DLGAP1: variants seen among roughly 807,000 people sequenced by gnomAD.
DLGAP1 encodes disks large-associated protein 1.
In DLGAP1, 11 loss-of-function variants were observed where a neutral mutation model predicts 90.8. The observed-to-expected ratio is 0.12, with a 90% CI of 0.08 to 0.20. DLGAP1 has a LOEUF of 0.20. DLGAP1 is among the 10% of genes least tolerant of loss of function. The probability of loss-of-function intolerance (pLI) is 1.00; values close to 1 mark genes in which losing one functional copy is unlikely to be tolerated. For synonymous variants in DLGAP1, 558 were observed against 540.7 expected, an observed-to-expected ratio of 1.03 and a Z score of -0.44; for missense variants, 1,050 against 1,333.8, an observed-to-expected ratio of 0.79 and a Z score of 3.31.
Position 3,517,812 on chromosome 18 carries a change from T to C in DLGAP1, c.2480-9151A>G, listed in dbSNP as rs1287109754. Among the ~76,000 whole-genome samples, 7 of 110,664 alleles carry C rather than the reference T, an allele frequency of 6.3e-5. No homozygotes were observed. The highest frequency in any genetic ancestry group is 5.6e-4 in the East Asian group (2 of 3,578). 72.6% of individuals were successfully genotyped at this position (110,664 alleles called of 152,430 possible). ...AGCCTGGGCAACAAGAGAGAAACTC[T>C]GTCTCGGAAAAAAAAAAAAAAGAAG... On this transcript the variant is annotated intron_variant, in intron 10 of 12. Coordinates refer to ENST00000315677, the MANE Select transcript of DLGAP1 (RefSeq NM_004746.4). The surrounding 1 kb of genome is among the most constrained non-coding windows in gnomAD (Gnocchi z 4.1).
chr18:4,167,072 T>C (rs1051710003), intron 1 of DLGAP1, among the ~76,000 whole-genome samples: 21 of 151,648 alleles, frequency 1.4e-4, no homozygotes, highest in African/African-American at 5.1e-4. Context: ...TACAAATTAA[T>C]CAAGACAGAC....
chr18:3,646,741 G>A (rs1201518231), intron 7 of DLGAP1, among the ~76,000 whole-genome samples: 20 of 152,064 alleles, frequency 1.3e-4, no homozygotes, highest in Admixed American at 9.8e-4. Context: ...TGGCTAACAC[G>A]GTGAAACCTC....
At chr18:3,950,480 T>G (rs1015460587) in intron 3 of DLGAP1, among the ~76,000 whole-genome samples, 1 of 152,252 alleles carries the variant, frequency 6.6e-6, no homozygotes, top group Non-Finnish European at 1.5e-5. Flanking sequence ...ATTAGCATCT[T>G]TCTTTCCCAT....
At chr18:4,359,260 C>T (rs946946215) in intron 1 of DLGAP1, among the ~76,000 whole-genome samples, 4 of 152,180 alleles carry the variant, frequency 2.6e-5, no homozygotes, top group Admixed American at 6.5e-5. Context: ...CTCCTTCCTT[C>T]TCCTCTGAAC....
At chr18:3,910,757 T>C (rs1268859030) in intron 3 of DLGAP1, among the ~76,000 whole-genome samples, 1 of 152,124 alleles carries the variant, frequency 6.6e-6, no homozygotes, top group African/African-American at 2.4e-5. Context: ...ACCTCCTTTC[T>C]TGGACAAAAA....
chr18:3,607,659 C>T (rs575043828), intron 7 of DLGAP1: 1 of 152,320 alleles, frequency 6.6e-6, no homozygotes, highest in African/African-American at 2.4e-5. Flanking sequence ...AATTTCTTAT[C>T]TGGCTGCTTA....
Position 3,525,690 on chromosome 18 carries a change from C to T in DLGAP1, c.2479+8504G>A, listed in dbSNP as rs529527760. On this transcript the variant is annotated intron_variant, in intron 10 of 12. Coordinates refer to ENST00000315677, the MANE Select transcript of DLGAP1 (RefSeq NM_004746.4). ...CTGGGATTATAGGCATGAGCCACTG[C>T]GCCCCACCAGTCCATTGCATTTATA... Among the ~76,000 whole-genome samples the T allele has an allele frequency of 2.1e-4, 32 of 152,328 alleles. No individual in the cohort carries two copies. In the East Asian group the frequency reaches 4.8e-3, roughly 23 times the overall value.
intron 5 of DLGAP1, among the ~76,000 whole-genome samples, chr18:3,772,642 T>C (rs2064736520): frequency 6.6e-6 from 1 of 151,600 alleles, no homozygotes. Context: ...ATAATATTAT[T>C]ATATCCTCAA....
chr18:3,680,091 C>T (rs1323482691), intron 7 of DLGAP1: 2 of 152,128 alleles, frequency 1.3e-5, no homozygotes, highest in Admixed American at 6.6e-5. Flanking sequence ...GGGTCTTGGT[C>T]GAGGTTGTAG....
chr18:3,689,424 G>A (rs528711987), intron 7 of DLGAP1, among the ~76,000 whole-genome samples: 1 of 152,292 alleles, frequency 6.6e-6, no homozygotes, highest in South Asian at 2.1e-4. Context: ...CCTCATTTTG[G>A]TGACACTGGG....
In DLGAP1 at chr18:4,253,924, T is replaced by C. The variant is rs191110845; in HGVS notation, c.-266-102637A>G. On this transcript the variant is annotated intron_variant, in intron 1 of 12. Coordinates refer to ENST00000315677, the MANE Select transcript of DLGAP1 (RefSeq NM_004746.4). ...GTATGTTGTTTCTACTCGCTTCAGT[T>C]CTCAGGTTTGGCAGCCTGAGACTGC... 4.2e-3 allele frequency among the ~76,000 whole-genome samples: 626 copies of C among 148,954 alleles called. 6 individuals are homozygous for C. Among genetic ancestry groups the C allele is most frequent in the African/African-American group, 0.016 (601 of 38,494 alleles).
At chr18:4,292,304 T>G (rs1375800985) in intron 1 of DLGAP1, among the ~76,000 whole-genome samples, 3 of 152,126 alleles carry the variant, frequency 2.0e-5, no homozygotes, top group African/African-American at 7.2e-5. Flanking sequence ...ATAGCTATTT[T>G]TGGAAAACAG....
intron 1 of DLGAP1, among the ~76,000 whole-genome samples, chr18:4,298,942 G>A (rs889967270): frequency 4.6e-4 from 70 of 151,858 alleles, no homozygotes; most frequent in African/African-American, 1.6e-3. Flanking sequence ...TTAGCCAAGC[G>A]TGGTGGCAGG....
chr18:4,042,954 T>G (rs2074997636), intron 2 of DLGAP1, among the ~76,000 whole-genome samples: 1 of 152,242 alleles, frequency 6.6e-6, no homozygotes, highest in South Asian at 2.1e-4. Flanking sequence ...AATTTTTCTC[T>G]TCTAAAAGAG....
rs368824822 is a variant in DLGAP1, at chr18:4,342,856, CATT to C, written c.-267+112147_-267+112149del. Among the ~76,000 whole-genome samples, 11 of 152,232 alleles carry C rather than the reference CATT, an allele frequency of 7.2e-5. No individual in the cohort carries two copies. Among genetic ancestry groups the C allele is most frequent in the African/African-American group, 2.6e-4 (11 of 41,554 alleles). On this transcript the variant is annotated intron_variant, in intron 1 of 12. Transcript: ENST00000315677. The surrounding 1 kb of genome is among the most constrained non-coding windows in gnomAD (Gnocchi z 5.8). ...ATTGTTTACAACAATTCATAGAGAA[CATT>C]ATTAACAACCCTAGTAAATAGCTTT... is the stretch of plus-strand genomic sequence containing the variant.
At chr18:4,089,425 A>C (rs576969737) in intron 2 of DLGAP1, among the ~76,000 whole-genome samples, 7 of 152,174 alleles carry the variant, frequency 4.6e-5, no homozygotes, top group Non-Finnish European at 7.3e-5. Context: ...TACCATTGAC[A>C]TTCTTCGTAG....
At chr18:3,984,329 G>A (rs1486555724) in intron 3 of DLGAP1, 1 of 152,172 alleles carries the variant, frequency 6.6e-6, no homozygotes, top group African/African-American at 2.4e-5. Flanking sequence ...GATGGCTTCA[G>A]TCTCTACAAT....
At chr18:3,807,411 T>C (rs1223043413) in intron 5 of DLGAP1, among the ~76,000 whole-genome samples, 1 of 152,208 alleles carries the variant, frequency 6.6e-6, no homozygotes, top group African/African-American at 2.4e-5. Flanking sequence ...TGACATTTGA[T>C]TGATAGGTAA....
intron 1 of DLGAP1, among the ~76,000 whole-genome samples, chr18:4,450,470 G>A (rs1006684696): frequency 9.2e-5 from 14 of 152,176 alleles, no homozygotes; most frequent in Admixed American, 7.2e-4. Flanking sequence ...AATGTGCCCA[G>A]AGAGACCTTC....
Sources: allele counts gnomAD v4.1 joint callset (sites outside exome capture counted in the v4.1 genomes callset), GRCh38; gene constraint gnomAD v4.1.1; non-coding constraint Gnocchi (gnomAD v3.1); transcripts MANE v1.5; gene names NCBI Gene and HGNC (gene_info 2026-07-23, HGNC 2026-07-21).